Variants in KIAA0825 observed in about 807,000 individuals in gnomAD.
KIAA0825 encodes uncharacterized protein KIAA0825.
Under a neutral mutation model 147.6 loss-of-function variants are expected in KIAA0825, and 119 were observed. The observed-to-expected ratio is 0.81, with a 90% CI of 0.69 to 0.94. The LOEUF (loss-of-function observed/expected upper bound fraction) is 0.94, where lower values mean the gene tolerates loss of function less well. KIAA0825 is among the 40% of genes least tolerant of loss of function. KIAA0825 has a pLI of 0.00. For missense variants in KIAA0825, 1,381 were observed against 1,472.7 expected (o/e 0.94, Z 1.02); for synonymous variants, 470 against 518.1 (o/e 0.91, Z 1.26).
intron 2 of KIAA0825, among the ~76,000 whole-genome samples, chr5:94,552,365 C>T (rs1775709638): frequency 6.6e-6 from 1 of 152,050 alleles, no homozygotes; most frequent in Non-Finnish European, 1.5e-5. Context: ...ATCATCTAGA[C>T]AGAAAATCAA....
At chr5:94,380,743 C>T (rs891754086) in intron 20 of KIAA0825, among the ~76,000 whole-genome samples, 45 of 152,334 alleles carry the variant, frequency 3.0e-4, no homozygotes, top group African/African-American at 9.6e-4. Flanking sequence ...AGCACCAAGA[C>T]GCTGAAGTGG....
At chr5:94,567,670 T>C (rs760738405) in intron 2 of KIAA0825, 6 of 152,248 alleles carry the variant, frequency 3.9e-5, no homozygotes, top group Non-Finnish European at 8.8e-5. Flanking sequence ...TTGGCGACAT[T>C]GGCTTCATCC....
intron 5 of KIAA0825, among the ~76,000 whole-genome samples, chr5:94,516,612 A>G (rs1313661364): frequency 6.8e-6 from 1 of 147,844 alleles, no homozygotes; most frequent in African/African-American, 2.5e-5. Flanking sequence ...GACCACGGTG[A>G]AACCCCGTCT....
At chr5:94,513,040 A>G (rs1766725991) in intron 5 of KIAA0825, among the ~76,000 whole-genome samples, 1 of 152,196 alleles carries the variant, frequency 6.6e-6, no homozygotes, top group East Asian at 1.9e-4. Context: ...TAAATTTCTG[A>G]CAACAATCTC....
At chr5:94,275,573 T>A (rs572521363) in intron 20 of KIAA0825, among the ~76,000 whole-genome samples, 1 of 152,244 alleles carries the variant, frequency 6.6e-6, no homozygotes, top group South Asian at 2.1e-4. Flanking sequence ...CTCAAAAAAA[T>A]CTTTGTTGAA....
At chr5:94,233,908 GATATTGC>G (rs1774876636) in intron 20 of KIAA0825, among the ~76,000 whole-genome samples, 1 of 152,186 alleles carries the variant, frequency 6.6e-6, no homozygotes, top group Non-Finnish European at 1.5e-5. Context: ...GTGCTCCACA[GATATTGC>G]ATTTTTGTTT....
intron 5 of KIAA0825, among the ~76,000 whole-genome samples, chr5:94,504,347 C>A (rs1765452646): frequency 6.6e-6 from 1 of 152,144 alleles, no homozygotes; most frequent in Admixed American, 6.5e-5. Flanking sequence ...TCACACCAAG[C>A]AAGAGGATCA....
chr5:94,492,755 TA>T (rs773548025), intron 5 of KIAA0825, among the ~76,000 whole-genome samples: 1 of 152,232 alleles, frequency 6.6e-6, no homozygotes, highest in Non-Finnish European at 1.5e-5. Flanking sequence ...TCACATTAAT[TA>T]CTGTATGACA....
chr5:94,188,649 A>G (rs961315770), intron 20 of KIAA0825, among the ~76,000 whole-genome samples: 1 of 152,096 alleles, frequency 6.6e-6, no homozygotes, highest in Admixed American at 6.5e-5. Context: ...GTAGAGATAT[A>G]TCACCATTGT....
At chr5:94,378,046 T>C (rs1747835745) in intron 20 of KIAA0825, among the ~76,000 whole-genome samples, 1 of 152,228 alleles carries the variant, frequency 6.6e-6, no homozygotes, top group African/African-American at 2.4e-5. Context: ...ACAAGCTTTC[T>C]GTTATTTTAA....
rs141037675 is a variant in KIAA0825, at chr5:94,450,308, T to C, written c.2357+2651A>G. On this transcript the variant is annotated intron_variant, in intron 13 of 20. Coordinates refer to ENST00000682413, the MANE Select transcript of KIAA0825 (RefSeq NM_001145678.3). Reference sequence around the variant, plus strand: ...AGCATAGTTTAACACTTCCTAATGATGTCCCACCTTCCAATAATTGTTAAT... The same window carrying C: ...AGCATAGTTTAACACTTCCTAATGACGTCCCACCTTCCAATAATTGTTAAT... Among the ~76,000 whole-genome samples the C allele has an allele frequency of 4.9e-3, 736 of 149,132 alleles. 13 individuals are homozygous for C. The Middle Eastern group carries it at 0.061, about 12-fold the overall frequency.
At chr5:94,386,625 T>C (rs1749181214) in intron 18 of KIAA0825, among the ~76,000 whole-genome samples, 1 of 152,198 alleles carries the variant, frequency 6.6e-6, no homozygotes, top group Admixed American at 6.5e-5. Flanking sequence ...TTAGTATAGA[T>C]TAGGAAACCA....
At chr5:94,302,886 T>C (rs1778495676) in intron 20 of KIAA0825, among the ~76,000 whole-genome samples, 2 of 152,118 alleles carry the variant, frequency 1.3e-5, no homozygotes, top group South Asian at 4.1e-4. Flanking sequence ...AAATGAAAGT[T>C]ATAAGTTACA....
chr5:94,593,627 C>A, intron 1 of KIAA0825: 1 of 479,656 alleles, frequency 2.1e-6, no homozygotes, highest in Non-Finnish European at 3.9e-6. Context: ...AACGAGTAAG[C>A]CCTGGTAGTG....
chr5:94,548,506 G>A (rs1404794074), intron 2 of KIAA0825, among the ~76,000 whole-genome samples: 1 of 151,914 alleles, frequency 6.6e-6, no homozygotes, highest in African/African-American at 2.4e-5. Context: ...AGAAGGAAGA[G>A]ATAACCACAA....
chr5:94,471,557 G>A lies in KIAA0825; in HGVS notation c.1630C>T (p.Leu544=), dbSNP rs1400603729. Residue 544 remains leucine (L), a synonymous_variant, in exon 9 of 21, where the codon CTG becomes TTG. Coordinates refer to ENST00000682413, the MANE Select transcript of KIAA0825 (RefSeq NM_001145678.3). ...GAGAGGTATGTGTGCAAGTTTTTCA[G>A]GGGTGCTTTGGAAGGAACCTCCTTG... ...RAKEVPSKAP[L]KNLHTYLSTA... 6.4e-7 allele frequency: 1 copy of A among 1,551,940 alleles called. No individual in the cohort carries two copies. The highest frequency in any genetic ancestry group is 8.7e-7 in the Non-Finnish European group (1 of 1,147,056).
chr5:94,375,330 CA>C (rs1167771927), intron 20 of KIAA0825, among the ~76,000 whole-genome samples: 1 of 151,978 alleles, frequency 6.6e-6, no homozygotes, highest in African/African-American at 2.4e-5. Flanking sequence ...CACACCCGGC[CA>C]AAAATAGATT....
At chr5:94,469,915 A>G in intron 10 of KIAA0825, 46 bp downstream of exon 10, 1 of 1,473,946 alleles carries the variant, frequency 6.8e-7, no homozygotes, top group East Asian at 2.6e-5. Context: ...GTACGCAGTA[A>G]AACATATTTG....
intron 20 of KIAA0825, among the ~76,000 whole-genome samples, chr5:94,172,402 A>G (rs1768708169): frequency 6.6e-6 from 1 of 152,254 alleles, no homozygotes; most frequent in African/African-American, 2.4e-5. Flanking sequence ...GACTGGCTAC[A>G]TACAGATTGA....
Sources: allele counts gnomAD v4.1 joint callset (sites outside exome capture counted in the v4.1 genomes callset), GRCh38; gene constraint gnomAD v4.1.1; transcripts MANE v1.5; gene names NCBI Gene and HGNC (gene_info 2026-07-23, HGNC 2026-07-21).